The following PLXDC2 variants were observed in gnomAD, a reference collection of about 807,000 sequenced individuals.
PLXDC2 encodes plexin domain containing 2.
PLXDC2 carries 40 observed loss-of-function variants against 68.9 expected under a neutral mutation model. That is an observed-to-expected ratio of 0.58 (90% CI 0.45 to 0.76). The LOEUF is 0.76. Ranked by LOEUF, PLXDC2 falls within the 30% of genes least tolerant of loss-of-function variation. PLXDC2 has a pLI of 0.00. For missense variants in PLXDC2, 644 were observed against 661.9 expected, an observed-to-expected ratio of 0.97 and a Z score of 0.30; for synonymous variants, 243 against 234.2, an observed-to-expected ratio of 1.04 and a Z score of -0.34.
intron 1 of PLXDC2, among the ~76,000 whole-genome samples, chr10:19,844,206 C>T (rs777751062): frequency 6.6e-6 from 1 of 152,120 alleles, no homozygotes; most frequent in African/African-American, 2.4e-5. Context: ...CTGTGAAGAG[C>T]GAAAGTATGA....
In PLXDC2 at chr10:19,820,588, T is replaced by G. The variant is rs1369004902; in HGVS notation, c.112+3397T>G. 6.0e-5 allele frequency among the ~76,000 whole-genome samples: 9 copies of G among 149,004 alleles called. No individual in the cohort carries two copies. In the East Asian group the frequency reaches 1.8e-3, roughly 30 times the overall value. ...AGCGGAGCTTGCAGTGAGCCGAGAT[T>G]GCGCCACTGCAGTCCGCAGTCCGGC... On this transcript the variant is annotated intron_variant, in intron 1 of 13. Coordinates refer to ENST00000377252, the MANE Select transcript of PLXDC2 (RefSeq NM_032812.9).
chr10:20,246,131 T>C (rs1835591913), intron 13 of PLXDC2, among the ~76,000 whole-genome samples: 2 of 152,216 alleles, frequency 1.3e-5, no homozygotes, highest in African/African-American at 2.4e-5. Context: ...ATAAGTGTTA[T>C]GTCTTCATGT....
At chr10:19,940,548 C>CAAAA (rs10682522) in intron 1 of PLXDC2, among the ~76,000 whole-genome samples, 2 of 113,648 alleles carry the variant, frequency 1.8e-5, no homozygotes, top group African/African-American at 3.0e-5. Flanking sequence ...TTTGATTGTG[C>CAAAA]AAAAAAAAAA....
chr10:19,855,173 G>A (rs978012157), intron 1 of PLXDC2, among the ~76,000 whole-genome samples: 1 of 152,134 alleles, frequency 6.6e-6, no homozygotes, highest in Non-Finnish European at 1.5e-5. Context: ...GTAGAAATGA[G>A]TTTTTATGAG....
chr10:20,176,786 C>T (rs1455137020), intron 7 of PLXDC2, among the ~76,000 whole-genome samples: 1 of 152,024 alleles, frequency 6.6e-6, no homozygotes, highest in Non-Finnish European at 1.5e-5. Flanking sequence ...ATCTGAGACC[C>T]TAATCAACAC....
chr10:20,037,764 A>G (rs1835603622), intron 2 of PLXDC2, among the ~76,000 whole-genome samples: 1 of 152,180 alleles, frequency 6.6e-6, no homozygotes. Flanking sequence ...CATATAGCTC[A>G]CCCAACTCGG....
At chr10:20,129,555 ATGTG>A (rs1833838467) in intron 4 of PLXDC2, among the ~76,000 whole-genome samples, 1 of 151,232 alleles carries the variant, frequency 6.6e-6, no homozygotes, top group Admixed American at 6.6e-5. Flanking sequence ...ACACATATAT[ATGTG>A]TATATATATA....
At chr10:19,837,432 G>A (rs12354789) in intron 1 of PLXDC2, among the ~76,000 whole-genome samples, 1 of 151,346 alleles carries the variant, frequency 6.6e-6, no homozygotes, top group African/African-American at 2.4e-5. Context: ...GTGTGTGTGT[G>A]TGTGTGTGTG....
intron 1 of PLXDC2, among the ~76,000 whole-genome samples, chr10:19,863,416 C>A (rs1564612908): frequency 6.6e-6 from 1 of 152,168 alleles, no homozygotes; most frequent in African/African-American, 2.4e-5. Context: ...CTCTTATAAA[C>A]TGATAGCTGG....
chr10:20,122,799 G>T (rs1833717743), intron 4 of PLXDC2, among the ~76,000 whole-genome samples: 1 of 152,126 alleles, frequency 6.6e-6, no homozygotes, highest in African/African-American at 2.4e-5. Flanking sequence ...CCTGTTGTGG[G>T]GTTTGAGGGC....
At chr10:20,135,260 A>G (rs1833919298) in intron 4 of PLXDC2, among the ~76,000 whole-genome samples, 1 of 152,202 alleles carries the variant, frequency 6.6e-6, no homozygotes, top group African/African-American at 2.4e-5. Flanking sequence ...TGGCCAGTTC[A>G]ATGTCTCCAT....
At chr10:20,158,825 C>T (rs1267834786) in intron 6 of PLXDC2, among the ~76,000 whole-genome samples, 2 of 152,004 alleles carry the variant, frequency 1.3e-5, no homozygotes, top group Non-Finnish European at 2.9e-5. Context: ...CAGACATGTT[C>T]CATAGGAAAT....
chr10:20,144,975 A>T (rs924673448), intron 5 of PLXDC2, among the ~76,000 whole-genome samples: 2 of 152,210 alleles, frequency 1.3e-5, no homozygotes, highest in Non-Finnish European at 2.9e-5. Flanking sequence ...TTAAAAATTG[A>T]TGTATACTAC....
At chr10:20,258,858 A>G (rs1165737079) in intron 13 of PLXDC2, among the ~76,000 whole-genome samples, 1 of 152,056 alleles carries the variant, frequency 6.6e-6, no homozygotes, top group Non-Finnish European at 1.5e-5. Context: ...AATAGAAAAA[A>G]TTAGCCGGGC....
chr10:20,109,099 G>A (rs976116635), intron 4 of PLXDC2, among the ~76,000 whole-genome samples: 7 of 152,142 alleles, frequency 4.6e-5, no homozygotes, highest in Admixed American at 2.0e-4. Flanking sequence ...ATTGTTATTT[G>A]AAATGCTAAC....
At chr10:19,947,707 C>CTTTT (rs34439585) in intron 1 of PLXDC2, among the ~76,000 whole-genome samples, 226 of 120,932 alleles carry the variant, frequency 1.9e-3, no homozygotes, top group African/African-American at 5.7e-3. Flanking sequence ...TTCTTTCTTT[C>CTTTT]TTTTTTTTTT....
chr10:20,160,960 G>A lies in PLXDC2; in HGVS notation c.784-3508G>A, dbSNP rs1191678131. ...GCTATGATCATGCCACTGCACTCCA[G>A]CCTGGGCAACACAGTGAGACCCAAT... is the stretch of plus-strand genomic sequence containing the variant. On this transcript the variant is annotated intron_variant, in intron 6 of 13. Transcript: ENST00000377252. Among the ~76,000 whole-genome samples the A allele has an allele frequency of 2.0e-5, 3 of 152,226 alleles. No individual in the cohort carries two copies. The East Asian group carries it at 5.8e-4, about 29-fold the overall frequency.
Position 20,162,301 on chromosome 10 carries a change from A to G in PLXDC2, c.784-2167A>G, listed in dbSNP as rs568643837. On this transcript the variant is annotated intron_variant, in intron 6 of 13. Coordinates refer to ENST00000377252, the MANE Select transcript of PLXDC2 (RefSeq NM_032812.9). Reference sequence around the variant, plus strand: ...GCTCTGACATAAACATGTACTATACATAATGACATAATAGGATTTTCCAGT... The same window carrying G: ...GCTCTGACATAAACATGTACTATACGTAATGACATAATAGGATTTTCCAGT... Among the ~76,000 whole-genome samples, 99 of 152,340 alleles carry G rather than the reference A, an allele frequency of 6.5e-4. 3 individuals are homozygous for G. In the South Asian group the frequency reaches 0.019, roughly 30 times the overall value.
At chr10:19,865,117 T>C (rs1020986901) in intron 1 of PLXDC2, among the ~76,000 whole-genome samples, 2 of 152,244 alleles carry the variant, frequency 1.3e-5, no homozygotes, top group East Asian at 1.9e-4. Flanking sequence ...AAAGTTGTAG[T>C]TGTTAGGTTG....
Sources: allele counts gnomAD v4.1 joint callset (sites outside exome capture counted in the v4.1 genomes callset), GRCh38; gene constraint gnomAD v4.1.1; transcripts MANE v1.5; gene names NCBI Gene and HGNC (gene_info 2026-07-23, HGNC 2026-07-21).